METTL16: variants seen among roughly 807,000 people sequenced by gnomAD.
The protein encoded by METTL16 is methyltransferase 16, RNA N6-adenosine, also known as RNA N(6)-adenosine-methyltransferase METTL16.
A neutral mutation model predicts 57.9 loss-of-function variants in METTL16; 19 were observed. That is an observed-to-expected ratio of 0.33 (90% CI 0.23 to 0.48). The LOEUF is 0.48. Among genes scored for constraint, METTL16 ranks in the 20% least tolerant of loss-of-function variants. METTL16 has a pLI of 0.99. For missense variants in METTL16, 434 were observed against 691.5 expected (o/e 0.63, Z 4.18); for synonymous variants, 246 against 255.6 (o/e 0.96, Z 0.36).
intron 2 of METTL16, among the ~76,000 whole-genome samples, chr17:2,493,674 G>A (rs2067418712): frequency 6.6e-6 from 1 of 151,238 alleles, no homozygotes; most frequent in African/African-American, 2.4e-5. Context: ...AGCCGAGATT[G>A]GGCCACTGCA....
intron 5 of METTL16, 46 bp downstream of exon 5, chr17:2,467,715 C>G: frequency 6.7e-7 from 1 of 1,485,022 alleles, no homozygotes; most frequent in Non-Finnish European, 9.4e-7. Context: ...CGTGAGCCAC[C>G]GCGCCCAGCC....
intron 2 of METTL16, among the ~76,000 whole-genome samples, chr17:2,486,084 G>A (rs980285900): frequency 2.0e-5 from 3 of 152,206 alleles, no homozygotes; most frequent in African/African-American, 7.2e-5. Context: ...CAGGTACTAA[G>A]AGACAGTCAC....
chr17:2,428,457 G>A (rs1411905840), intron 8 of METTL16, among the ~76,000 whole-genome samples: 3 of 139,234 alleles, frequency 2.2e-5, no homozygotes, highest in African/African-American at 8.1e-5. Flanking sequence ...CAACCCGGGA[G>A]GCAGAGCTTG....
At chr17:2,463,607 A>G (rs559551725) in intron 6 of METTL16, among the ~76,000 whole-genome samples, 102 of 151,908 alleles carry the variant, frequency 6.7e-4, no homozygotes, top group East Asian at 2.0e-3. Context: ...GACTACAGGC[A>G]CCCACCACCA....
chr17:2,440,280 C>T (rs1250311384), intron 7 of METTL16, among the ~76,000 whole-genome samples: 2 of 151,528 alleles, frequency 1.3e-5, no homozygotes, highest in Non-Finnish European at 2.9e-5. Context: ...GACGGAGTCT[C>T]GCTGTGTCAC....
At chr17:2,470,897 T>C (rs1324634231) in intron 4 of METTL16, among the ~76,000 whole-genome samples, 1 of 152,156 alleles carries the variant, frequency 6.6e-6, no homozygotes, top group Middle Eastern at 3.2e-3. Flanking sequence ...GGCAAAAGAC[T>C]CAGGATAGCC....
Position 2,420,696 on chromosome 17 carries a change from TTA to T in METTL16, c.1062+33_1062+34del, listed in dbSNP as rs772501433. 1.7e-3 allele frequency: 2,610 copies of T among 1,581,462 alleles called. 9 individuals carry two copies. The highest frequency in any genetic ancestry group is 2.0e-3 in the Non-Finnish European group (2,303 of 1,168,226). ...GAAAAAAGAAAAAAGAGAAGGATCA[TTA>T]TGAGTACTTCGTCAATATGGTTAAG... On this transcript the variant is annotated intron_variant, in intron 9 of 9. Coordinates refer to ENST00000263092, the MANE Select transcript of METTL16 (RefSeq NM_024086.4). This position sits in a 1 kb window ranked among gnomAD's most constrained non-coding sequence, Gnocchi z 5.4.
chr17:2,465,739 A>C (rs2067189480), intron 5 of METTL16, among the ~76,000 whole-genome samples: 2 of 149,442 alleles, frequency 1.3e-5, no homozygotes, highest in South Asian at 4.2e-4. Context: ...GGTGGTGTCC[A>C]CCAGGAGTCC....
chr17:2,418,024 G>T lies in METTL16; in HGVS notation c.*1946C>A. On this transcript the variant is annotated 3_prime_UTR_variant, in exon 10 of 10. Transcript: ENST00000263092. ...GGCACAGCAGAAAATTTCTAGACCAGGGGAATCCACGGTCCTGAATTGAGT... is the reference window on the plus strand; with the variant it reads ...GGCACAGCAGAAAATTTCTAGACCATGGGAATCCACGGTCCTGAATTGAGT... 6.6e-6 allele frequency: 1 copy of T among 152,266 alleles called. No individual in the cohort carries two copies. The allele number at this position is 152,266 out of a possible 1,614,324, so 9.4% of individuals were successfully genotyped here. A position where few individuals can be genotyped will look rare whatever the true frequency, so the allele number is the denominator to read the frequency against.
At chr17:2,509,628 G>A (rs912519258) in intron 1 of METTL16, among the ~76,000 whole-genome samples, 3 of 152,184 alleles carry the variant, frequency 2.0e-5, no homozygotes, top group Non-Finnish European at 4.4e-5. Context: ...AGTCGCTCAC[G>A]ACTATAATCC....
At chr17:2,477,597 C>A (rs2067277114) in intron 3 of METTL16, 89 bp downstream of exon 3, 1 of 970,290 alleles carries the variant, frequency 1.0e-6, no homozygotes, top group Non-Finnish European at 1.6e-6. Context: ...TGTACAACAA[C>A]AAATACCCAG....
At chr17:2,505,393 GCATTTT>G (rs2067523491) in intron 1 of METTL16, among the ~76,000 whole-genome samples, 1 of 112,660 alleles carries the variant, frequency 8.9e-6, no homozygotes, top group Non-Finnish European at 1.7e-5. Flanking sequence ...AAGCCCAGAG[GCATTTT>G]TTTTTTTTTT....
chr17:2,463,600 T>A (rs1047911709), intron 6 of METTL16, among the ~76,000 whole-genome samples: 2 of 151,990 alleles, frequency 1.3e-5, no homozygotes, highest in Non-Finnish European at 2.9e-5. Context: ...TAGCTGGGAC[T>A]ACAGGCACCC....
In METTL16 at chr17:2,467,825, G is replaced by C. The variant is rs1374346313; in HGVS notation, c.521C>G (p.Ser174Cys). The change falls in exon 5 of 10, where the codon TCT becomes TGT. Residue 174 changes from serine (S) to cysteine (C), a missense_variant. Around this residue, in one of 5 missense-constraint regions of METTL16, gnomAD observed 118 missense variants for 280.0 expected, o/e 0.42. Transcript: ENST00000263092. Reference protein sequence around the residue: ...TLLMDALKEESEIIYDFCMCN... With the variant: ...TLLMDALKEECEIIYDFCMCN... ...CATGCAAAAGTCATAGATTATCTCA[G>C]ATTCTTCTTTAAGAGCATCCATCAG... 6 of 1,614,058 alleles carry C rather than the reference G, an allele frequency of 3.7e-6. No individual in the cohort carries two copies. Among genetic ancestry groups the C allele is most frequent in the Non-Finnish European group, 5.1e-6 (6 of 1,180,032 alleles).
chr17:2,461,868 C>T (rs970774915), intron 6 of METTL16, among the ~76,000 whole-genome samples: 4 of 152,090 alleles, frequency 2.6e-5, no homozygotes, highest in Admixed American at 6.6e-5. Context: ...TGTGAGCCAC[C>T]GTGCCCAGCC....
At chr17:2,421,793 G>C (rs903680660) in intron 8 of METTL16, among the ~76,000 whole-genome samples, 1 of 152,192 alleles carries the variant, frequency 6.6e-6, no homozygotes, top group Non-Finnish European at 1.5e-5. Context: ...CTAAGATCAC[G>C]TGGGCAGAGG....
chr17:2,435,674 G>C (rs1427689964), intron 8 of METTL16, among the ~76,000 whole-genome samples: 4 of 151,016 alleles, frequency 2.6e-5, no homozygotes, highest in Non-Finnish European at 4.5e-5. Flanking sequence ...GGGTAGTGGT[G>C]GGGAGGAAGG....
chr17:2,496,353 A>C (rs2067445469), intron 2 of METTL16, among the ~76,000 whole-genome samples: 1 of 151,456 alleles, frequency 6.6e-6, no homozygotes, highest in Admixed American at 6.6e-5. Context: ...GCTGGAGTGC[A>C]GTGGTGTAAT....
intron 3 of METTL16, 73 bp from the exon 4 acceptor site, chr17:2,473,737 T>G: frequency 6.8e-7 from 1 of 1,470,592 alleles, no homozygotes; most frequent in Non-Finnish European, 9.2e-7. Flanking sequence ...AAAACACCAT[T>G]CTTCTCAGAA....
Sources: allele counts gnomAD v4.1 joint callset (sites outside exome capture counted in the v4.1 genomes callset), GRCh38; gene constraint gnomAD v4.1.1; regional missense constraint gnomAD v4.1.1; non-coding constraint Gnocchi (gnomAD v3.1); transcripts MANE v1.5; gene names NCBI Gene and HGNC (gene_info 2026-07-23, HGNC 2026-07-21).